GLIS3: variants seen among roughly 807,000 people sequenced by gnomAD.
The protein encoded by GLIS3 is zinc finger protein GLIS3.
A neutral mutation model predicts 78.6 loss-of-function variants in GLIS3; 53 were observed. That is an observed-to-expected ratio of 0.67 (90% CI 0.54 to 0.85). The LOEUF is 0.85. Among genes scored for constraint, GLIS3 ranks in the 40% least tolerant of loss-of-function variants. The pLI is 0.00. For missense variants in GLIS3, 1,703 were observed against 1,231.1 expected (o/e 1.38, Z -5.74); for synonymous variants, 684 against 509.9 (o/e 1.34, Z -4.60).
chr9:4,243,485 G>A (rs1823519750), intron 2 of GLIS3, among the ~76,000 whole-genome samples: 1 of 152,160 alleles, frequency 6.6e-6, no homozygotes, highest in South Asian at 2.1e-4. Context: ...AACTGCCAAT[G>A]AGAAATGGTT....
At position 4,029,610 on chromosome 9, in the gene GLIS3, C is replaced by G. The variant is rs573316131; in HGVS notation, c.1710+88158G>C. On this transcript the variant is annotated intron_variant, in intron 4 of 10. Transcript: ENST00000381971. The stretch of plus-strand genomic sequence containing the variant: ...GTCCCCCTCCCAAGCCCCCCACCAC[C>G]CTTCTCAGCCTATGGTAACCATCCT... Among the ~76,000 whole-genome samples the G allele has an allele frequency of 9.9e-5, 15 of 152,148 alleles. No homozygotes were observed. The South Asian group carries it at 3.1e-3, about 32-fold the overall frequency.
At chr9:4,345,716 T>A (rs1817889024) in intron 2 of GLIS3, among the ~76,000 whole-genome samples, 1 of 152,198 alleles carries the variant, frequency 6.6e-6, no homozygotes, top group African/African-American at 2.4e-5. Flanking sequence ...AGGTAACATT[T>A]AAAATTTAAA....
chr9:4,293,520 T>C (rs1303712579), intron 1 of GLIS3, among the ~76,000 whole-genome samples: 1 of 152,218 alleles, frequency 6.6e-6, no homozygotes, highest in East Asian at 1.9e-4. Context: ...TGAAAACCTC[T>C]GTGAATGACT....
At position 3,910,724 on chromosome 9, in the gene GLIS3, T is replaced by A. The variant is rs868027797; in HGVS notation, c.1984-11889A>T. Among the ~76,000 whole-genome samples, 84 of 152,326 alleles carry A rather than the reference T, an allele frequency of 5.5e-4. 1 individual carries two copies. The Middle Eastern group carries it at 0.01, about 19-fold the overall frequency. ...TACCATGTGATACTGGGCAAGTATA[T>A]TCACTTTCCTGAGTAGAGTTTCCTT... On this transcript the variant is annotated intron_variant, in intron 6 of 10. Coordinates refer to ENST00000381971, the MANE Select transcript of GLIS3 (RefSeq NM_001042413.2).
In GLIS3 at chr9:3,908,410, G is replaced by A. The variant is rs576092780; in HGVS notation, c.1984-9575C>T. On this transcript the variant is annotated intron_variant, in intron 6 of 10. Coordinates refer to ENST00000381971, the MANE Select transcript of GLIS3 (RefSeq NM_001042413.2). ...TAGACTTGTGACAACTCCAAGGCTCGGAAACCAATTTGTGAGCCTCTGAGT... is the reference window on the plus strand; with the variant it reads ...TAGACTTGTGACAACTCCAAGGCTCAGAAACCAATTTGTGAGCCTCTGAGT... 8.5e-5 allele frequency among the ~76,000 whole-genome samples: 13 copies of A among 152,238 alleles called. No homozygotes were observed. The East Asian group carries it at 2.5e-3, about 29-fold the overall frequency.
At chr9:4,473,185 A>G in the GLIS3 span, among the ~76,000 whole-genome samples, 2 of 152,192 alleles carry the variant, frequency 1.3e-5, no homozygotes, top group African/African-American at 2.4e-5. Context: ...TAGACTGAAT[A>G]AAGATAATGT....
At chr9:3,885,659 A>G (rs1332896300) in intron 7 of GLIS3, among the ~76,000 whole-genome samples, 1 of 152,318 alleles carries the variant, frequency 6.6e-6, no homozygotes, top group East Asian at 1.9e-4. Context: ...TCACAGGGAC[A>G]CTGAAAAGAA....
chr9:4,413,598 C>T, the GLIS3 span, among the ~76,000 whole-genome samples: 1 of 152,020 alleles, frequency 6.6e-6, no homozygotes, highest in Non-Finnish European at 1.5e-5. Context: ...CTTCAGTGCT[C>T]TGACATGAAA....
chr9:4,038,572 G>C (rs1824529374), intron 4 of GLIS3, among the ~76,000 whole-genome samples: 1 of 152,184 alleles, frequency 6.6e-6, no homozygotes, highest in Non-Finnish European at 1.5e-5. Flanking sequence ...AAAAGGAAAA[G>C]GAATTTCCCA....
At chr9:4,240,832 G>A (rs560422957) in intron 2 of GLIS3, among the ~76,000 whole-genome samples, 2 of 151,998 alleles carry the variant, frequency 1.3e-5, no homozygotes, top group East Asian at 1.9e-4. Context: ...TAACAAACCT[G>A]CACATGTACC....
chr9:4,477,134 T>A, the GLIS3 span, among the ~76,000 whole-genome samples: 1 of 152,064 alleles, frequency 6.6e-6, no homozygotes, highest in Non-Finnish European at 1.5e-5. Context: ...GCATTATTAT[T>A]CACAATAACC....
At chr9:4,049,988 A>G (rs1308895565) in intron 4 of GLIS3, among the ~76,000 whole-genome samples, 1 of 152,178 alleles carries the variant, frequency 6.6e-6, no homozygotes, top group African/African-American at 2.4e-5. Flanking sequence ...GAACACTTTT[A>G]CACTGTTGGT....
At chr9:4,160,543 T>C (rs1835393292) in intron 2 of GLIS3, among the ~76,000 whole-genome samples, 3 of 152,342 alleles carry the variant, frequency 2.0e-5, no homozygotes, top group Non-Finnish European at 4.4e-5. Context: ...GATGACAGAA[T>C]TCACGAGCTG....
intron 2 of GLIS3, among the ~76,000 whole-genome samples, chr9:4,132,059 A>AC (rs917549548): frequency 3.3e-4 from 50 of 151,970 alleles, no homozygotes; most frequent in African/African-American, 1.2e-3. Context: ...TTAAAAAAAA[A>AC]AAAAAACAAA....
intron 4 of GLIS3, among the ~76,000 whole-genome samples, chr9:3,945,365 C>T (rs567267583): frequency 2.6e-5 from 4 of 152,284 alleles, no homozygotes; most frequent in African/African-American, 7.2e-5. Flanking sequence ...ATTTCAGACT[C>T]TTAAGTACAA....
chr9:3,875,978 G>A (rs1024305749), intron 8 of GLIS3, among the ~76,000 whole-genome samples: 1 of 152,138 alleles, frequency 6.6e-6, no homozygotes, highest in African/African-American at 2.4e-5. Context: ...AAAGCTGCCT[G>A]TCTTTATTTT....
chr9:4,470,380 G>T, the GLIS3 span, among the ~76,000 whole-genome samples: 47 of 152,166 alleles, frequency 3.1e-4, no homozygotes, highest in Admixed American at 3.1e-3. Flanking sequence ...ACCAAATCCA[G>T]CAGCACATCA....
chr9:3,831,675 G>A (rs947545175), intron 9 of GLIS3, among the ~76,000 whole-genome samples: 2 of 152,198 alleles, frequency 1.3e-5, no homozygotes, highest in African/African-American at 2.4e-5. Context: ...CAGGGACAGA[G>A]ATTGCAGCGC....
the GLIS3 span, among the ~76,000 whole-genome samples, chr9:4,396,256 G>A: frequency 6.6e-5 from 10 of 152,092 alleles, no homozygotes; most frequent in South Asian, 4.1e-4. Context: ...GGGATTACAG[G>A]CATCCACCAC....
Sources: gnomAD v4.1 joint callset for allele counts (sites outside exome capture counted in the v4.1 genomes callset) on GRCh38, gnomAD v4.1.1 for gene constraint, MANE v1.5 for transcripts, NCBI Gene and HGNC (gene_info 2026-07-23, HGNC 2026-07-21) for gene names.